The following CFAP91 variants were observed in gnomAD, a reference collection of about 807,000 sequenced individuals.
CFAP91 encodes the protein cilia- and flagella-associated protein 91.
A neutral mutation model predicts 95.9 loss-of-function variants in CFAP91; 85 were observed. The ratio of observed to expected loss-of-function variants is 0.89; its 90% CI spans 0.74 to 1.06. The LOEUF is 1.06. Among genes scored for constraint, CFAP91 ranks in the 50% least tolerant of loss-of-function variants. CFAP91 has a pLI of 0.00. For synonymous variants in CFAP91, 335 were observed against 327.5 expected (o/e 1.02, Z -0.25); for missense variants, 962 against 943.4 (o/e 1.02, Z -0.26).
intron 3 of CFAP91, 147 bp downstream of exon 3, chr3:119,707,708 C>T: frequency 2.6e-6 from 1 of 377,958 alleles, no homozygotes; most frequent in Non-Finnish European, 4.4e-6. Flanking sequence ...ACCAAACAAA[C>T]CTGATTATAT....
rs555865982 is a variant in CFAP91, at chr3:119,742,008, A to T, written c.1680+1313A>T. On this transcript the variant is annotated intron_variant, in intron 13 of 17. Transcript: ENST00000273390. The stretch of plus-strand genomic sequence containing the variant: ...GTCCTAGAGTCCTGGAAAAGCTCAG[A>T]TAAGGAGCAGAATGCCCTGGAAGCG... 2.6e-5 allele frequency among the ~76,000 whole-genome samples: 4 copies of T among 152,310 alleles called. No individual in the cohort carries two copies. In the East Asian group the frequency reaches 7.7e-4, roughly 29 times the overall value.
rs2054098052 is a variant in CFAP91, at chr3:119,740,611, A to G, written c.1596A>G (p.Leu532=). Residue 532 remains leucine, a synonymous_variant, in exon 13 of 18, where the codon CTA becomes CTG. Transcript: ENST00000273390. ...LIQELRTCHA[L]QEDEKLVKKA... is the part of the protein sequence containing the mutation. ...AGGAGTTGCGCACCTGCCACGCACT[A>G]CAAGAAGATGAAAAGCTGGTGAAAA... The G allele has an allele frequency of 7.4e-6, 12 of 1,614,108 alleles. No individual in the cohort carries two copies. Among genetic ancestry groups the G allele is most frequent in the African/African-American group, 1.3e-5 (1 of 74,942 alleles).
At position 119,750,983 on chromosome 3, in the gene CFAP91, C is replaced by G. The variant is rs749293639; in HGVS notation, c.2190C>G (p.Ile730Met). ...ATATTCTTGCAGCCCATCAGATCAT[C>G]CACAGTTACACGGAAAGCATGGTTC... ...RKHILAAHQI[I>M]HSYTESMVQK... The change falls in exon 17 of 18, where the codon ATC (isoleucine) becomes ATG (methionine). Residue 730 changes from isoleucine to methionine, a missense_variant. Physicochemically the swap from Ile to Met is conservative, Grantham distance 10. Coordinates refer to ENST00000273390, the MANE Select transcript of CFAP91 (RefSeq NM_033364.4). The G allele has an allele frequency of 1.9e-6, 3 of 1,613,990 alleles. No individual in the cohort carries two copies. The Admixed American group carries it at 5.0e-5, about 27-fold the overall frequency.
chr3:119,745,063 A>G (rs186889990), intron 14 of CFAP91, among the ~76,000 whole-genome samples: 1 of 152,342 alleles, frequency 6.6e-6, no homozygotes, highest in Non-Finnish European at 1.5e-5. Context: ...ATGATGTCAG[A>G]AAACATCAGC....
At chr3:119,738,933 G>T (rs2054064530) in intron 11 of CFAP91, among the ~76,000 whole-genome samples, 1 of 152,124 alleles carries the variant, frequency 6.6e-6, no homozygotes, top group African/African-American at 2.4e-5. Flanking sequence ...GATGTTATAT[G>T]CAATACTTGT....
intron 14 of CFAP91, among the ~76,000 whole-genome samples, chr3:119,744,525 CAG>C (rs754457662): frequency 6.6e-6 from 1 of 152,036 alleles, no homozygotes; most frequent in African/African-American, 2.4e-5. Flanking sequence ...GGAGGGAGGA[CAG>C]AGGGGGAACA....
intron 5 of CFAP91, chr3:119,715,225 T>C: frequency 3.0e-6 from 1 of 329,234 alleles, no homozygotes; most frequent in Non-Finnish European, 5.7e-6. Flanking sequence ...CCAGAGAATG[T>C]AGTAATGCTG....
At chr3:119,756,472 A>C (rs1231236253) in intron 17 of CFAP91, among the ~76,000 whole-genome samples, 1 of 152,194 alleles carries the variant, frequency 6.6e-6, no homozygotes, top group Non-Finnish European at 1.5e-5. Flanking sequence ...GCAGAAGAAA[A>C]ATTATCCCAG....
chr3:119,710,803 C>T (rs924903526), intron 5 of CFAP91, among the ~76,000 whole-genome samples: 3 of 152,132 alleles, frequency 2.0e-5, no homozygotes, highest in African/African-American at 4.8e-5. Context: ...TGCCCCACAA[C>T]GGAGTGAACC....
intron 6 of CFAP91, among the ~76,000 whole-genome samples, chr3:119,718,162 T>C (rs2053615594): frequency 1.3e-5 from 2 of 152,160 alleles, no homozygotes; most frequent in African/African-American, 4.8e-5. Flanking sequence ...AGAATAAATT[T>C]CTGAGTAAAC....
intron 13 of CFAP91, 122 bp downstream of exon 13, chr3:119,740,817 C>T: frequency 9.5e-7 from 1 of 1,052,136 alleles, no homozygotes; most frequent in Non-Finnish European, 1.4e-6. Flanking sequence ...CCCCACAATC[C>T]CATCACTCTG....
intron 6 of CFAP91, chr3:119,716,047 T>G (rs1243004295): frequency 3.7e-6 from 2 of 535,918 alleles, no homozygotes; most frequent in African/African-American, 3.8e-5. Context: ...ACCACTTCCT[T>G]TTCATTGAGC....
intron 12 of CFAP91, among the ~76,000 whole-genome samples, chr3:119,740,124 A>G (rs1186206457): frequency 1.3e-5 from 2 of 152,234 alleles, no homozygotes; most frequent in African/African-American, 4.8e-5. Context: ...GTATTTTCCC[A>G]AGAGAAATGC....
At position 119,733,357 on chromosome 3, in the gene CFAP91, C is replaced by T; in HGVS notation, c.1202-7C>T. 6.2e-7 allele frequency: 1 copy of T among 1,613,474 alleles called. No homozygotes were observed. The highest frequency in any genetic ancestry group is 8.5e-7 in the Non-Finnish European group (1 of 1,179,766). The stretch of plus-strand genomic sequence containing the variant: ...GGATACTAAAAACATGTGCTTCCTT[C>T]CCATAGGATTAGTGGAACTTGAGTC... On this transcript the variant is annotated splice_region_variant and splice_polypyrimidine_tract_variant and intron_variant, in intron 9 of 17. Transcript: ENST00000273390.
intron 6 of CFAP91, among the ~76,000 whole-genome samples, chr3:119,723,361 A>G (rs1212162746): frequency 2.0e-5 from 3 of 152,214 alleles, no homozygotes; most frequent in Non-Finnish European, 4.4e-5. Context: ...TAGCATTTCT[A>G]CTTCTAAGAA....
At chr3:119,740,325 G>A (rs183985004) in intron 12 of CFAP91, among the ~76,000 whole-genome samples, 147 of 152,358 alleles carry the variant, frequency 9.6e-4, no homozygotes, top group Admixed American at 2.2e-3. Flanking sequence ...CAGAAATTAA[G>A]CACAGCTCAC....
chr3:119,719,058 T>C (rs1279890939), intron 6 of CFAP91, among the ~76,000 whole-genome samples: 1 of 152,164 alleles, frequency 6.6e-6, no homozygotes, highest in East Asian at 1.9e-4. Flanking sequence ...ATAGAATGGA[T>C]GAATGAAATA....
At chr3:119,721,178 AGTTT>A (rs1156956963) in intron 6 of CFAP91, among the ~76,000 whole-genome samples, 1 of 152,268 alleles carries the variant, frequency 6.6e-6, no homozygotes, top group African/African-American at 2.4e-5. Context: ...GAGAAGTTCA[AGTTT>A]GTTGCAATAC....
Position 119,708,576 on chromosome 3 carries a change from C to T in CFAP91, c.360-15C>T, listed in dbSNP as rs1027523843. Reference sequence around the variant, plus strand: ...ATATTTTAGACTTGAATAATGTTTTCTTGCTTCATTTTAGAACTGACGCTT... The same window carrying T: ...ATATTTTAGACTTGAATAATGTTTTTTTGCTTCATTTTAGAACTGACGCTT... On this transcript the variant is annotated splice_polypyrimidine_tract_variant and intron_variant, in intron 3 of 17. Transcript: ENST00000273390. 1 of 1,544,098 alleles carries T rather than the reference C, an allele frequency of 6.5e-7. No individual in the cohort carries two copies. The highest frequency in any genetic ancestry group is 8.9e-7 in the Non-Finnish European group (1 of 1,125,104).
Sources: allele counts gnomAD v4.1 joint callset (sites outside exome capture counted in the v4.1 genomes callset), GRCh38; gene constraint gnomAD v4.1.1; transcripts MANE v1.5; gene names NCBI Gene and HGNC (gene_info 2026-07-23, HGNC 2026-07-21).